FBXW4: variants seen among roughly 807,000 people sequenced by gnomAD.
FBXW4 encodes F-box/WD repeat-containing protein 4.
FBXW4 carries 40 observed loss-of-function variants against 61.8 expected under a neutral mutation model. The ratio of observed to expected loss-of-function variants is 0.65; its 90% CI spans 0.50 to 0.84. The LOEUF (loss-of-function observed/expected upper bound fraction) is 0.84, where lower values mean the gene tolerates loss of function less well. Ranked by LOEUF, FBXW4 falls within the 40% of genes least tolerant of loss-of-function variation. The pLI, the probability that FBXW4 is intolerant of heterozygous loss-of-function variation, is 0.00. For missense variants in FBXW4, 672 were observed against 753.8 expected, an observed-to-expected ratio of 0.89 and a Z score of 1.27; for synonymous variants, 311 against 313.8, an observed-to-expected ratio of 0.99 and a Z score of 0.10.
intron 1 of FBXW4, among the ~76,000 whole-genome samples, chr10:101,688,816 C>T (rs2064559043): frequency 6.6e-6 from 1 of 152,098 alleles, no homozygotes; most frequent in South Asian, 2.1e-4. Context: ...ACTGAAAATT[C>T]AAAACCCAAT....
chr10:101,690,660 C>G (rs1022981387), intron 1 of FBXW4, among the ~76,000 whole-genome samples: 1 of 152,240 alleles, frequency 6.6e-6, no homozygotes, highest in Admixed American at 6.5e-5. Context: ...CAGTTAGGAA[C>G]AGCCAAACTG....
At chr10:101,676,738 G>GAAAAAAAAAAAAAAAAAAAAAAA (rs2064413552) in intron 1 of FBXW4, 1 of 81,120 alleles carries the variant, frequency 1.2e-5, no homozygotes, top group Non-Finnish European at 2.3e-5. Flanking sequence ...AAAAAAAAAT[G>GAAAAAAAAAAAAAAAAAAAAAAA]AAATGAATCC....
chr10:101,653,161 TG>T (rs1192725922), intron 5 of FBXW4, among the ~76,000 whole-genome samples: 2 of 152,200 alleles, frequency 1.3e-5, no homozygotes, highest in Non-Finnish European at 2.9e-5. Context: ...TGTGCAGTCA[TG>T]TCTGACTACT....
Position 101,611,277 on chromosome 10 carries a change from G to T in FBXW4, c.*14C>A. 1 of 1,612,068 alleles carries T rather than the reference G, an allele frequency of 6.2e-7. No individual in the cohort carries two copies. Among genetic ancestry groups the T allele is most frequent in the Non-Finnish European group, 8.5e-7 (1 of 1,179,282 alleles). The stretch of plus-strand genomic sequence containing the variant: ...CTGGTTTCCCTGGCCCAGAGGCAGG[G>T]GTGGCCCTGACGGTCATGGGTTTTG... On this transcript the variant is annotated 3_prime_UTR_variant, in exon 9 of 9. Coordinates refer to ENST00000331272, the MANE Select transcript of FBXW4 (RefSeq NM_022039.4). The surrounding 1 kb of genome is among the most constrained non-coding windows in gnomAD (Gnocchi z 4.9).
rs777631130 is a variant in FBXW4 at position 101,673,573 on chromosome 10, G to A, written c.922C>T (p.Arg308Cys). The change falls in exon 3 of 9, where the codon CGT (arginine) becomes TGT (cysteine). Residue 308 changes from arginine to cysteine, a missense_variant. By Grantham distance (180) the Arg-to-Cys change is radical (BLOSUM62 -3). Transcript: ENST00000331272. Reference sequence around the variant, plus strand: ...CCAGCAAAGACTCCCAGAGGCCGACGATTCAAGCTGGCACCATCTGGACGG... The same window carrying A: ...CCAGCAAAGACTCCCAGAGGCCGACAATTCAAGCTGGCACCATCTGGACGG... ...QFRPDGASLN[R>C]RPLGVFAGHD... The A allele has an allele frequency of 1.5e-5, 25 of 1,613,898 alleles. No homozygotes were observed. The highest frequency in any genetic ancestry group is 1.9e-5 in the Non-Finnish European group (23 of 1,179,904).
chr10:101,673,456 A>G (rs1282240145), intron 3 of FBXW4, 32 bp downstream of exon 3: 1 of 1,611,120 alleles, frequency 6.2e-7, no homozygotes, highest in East Asian at 2.2e-5. Context: ...ATAAGATGGA[A>G]AAGGGTGGAA....
At chr10:101,643,280 T>C (rs531385187) in intron 5 of FBXW4, among the ~76,000 whole-genome samples, 1 of 152,342 alleles carries the variant, frequency 6.6e-6, no homozygotes, top group African/African-American at 2.4e-5. Flanking sequence ...TGCTGGCCAT[T>C]GAGCCTTCAG....
At chr10:101,633,378 A>C (rs1024646121) in intron 5 of FBXW4, among the ~76,000 whole-genome samples, 4 of 152,320 alleles carry the variant, frequency 2.6e-5, no homozygotes, top group African/African-American at 9.6e-5. Flanking sequence ...GCATGTTCTC[A>C]TAACTGGGAG....
chr10:101,618,885 C>T (rs1258211976), intron 6 of FBXW4, among the ~76,000 whole-genome samples: 3 of 147,102 alleles, frequency 2.0e-5, no homozygotes, highest in Non-Finnish European at 4.6e-5. Flanking sequence ...TCAAATGCCC[C>T]TTGGCAGAAA....
chr10:101,617,527 G>A (rs1392321210), intron 6 of FBXW4, among the ~76,000 whole-genome samples: 1 of 152,176 alleles, frequency 6.6e-6, no homozygotes, highest in East Asian at 1.9e-4. Context: ...CCCATCAGGT[G>A]AGAAGGAAGG....
intron 1 of FBXW4, among the ~76,000 whole-genome samples, chr10:101,690,841 C>A (rs541027546): frequency 2.0e-5 from 3 of 152,284 alleles, no homozygotes; most frequent in South Asian, 2.1e-4. Flanking sequence ...CGTGTGTGTG[C>A]GTGTTCTTCC....
intron 5 of FBXW4, chr10:101,627,904 T>C: frequency 1.0e-6 from 1 of 965,328 alleles, no homozygotes; most frequent in Non-Finnish European, 1.2e-6. Flanking sequence ...GGGTGGGATC[T>C]GTGCATCACA....
chr10:101,619,936 C>T (rs1188041647), intron 6 of FBXW4, among the ~76,000 whole-genome samples: 5 of 152,176 alleles, frequency 3.3e-5, no homozygotes, highest in Admixed American at 1.3e-4. Flanking sequence ...CACACATAGA[C>T]GTGGGTGATG....
intron 5 of FBXW4, among the ~76,000 whole-genome samples, chr10:101,665,474 C>T (rs2064289203): frequency 6.6e-6 from 1 of 152,034 alleles, no homozygotes; most frequent in South Asian, 2.1e-4. Flanking sequence ...GACAGGAAGA[C>T]CCTGAAGATG....
At chr10:101,650,582 C>T (rs1320443954) in intron 5 of FBXW4, among the ~76,000 whole-genome samples, 2 of 152,196 alleles carry the variant, frequency 1.3e-5, no homozygotes, top group Admixed American at 6.5e-5. Context: ...GGTGGGGTGC[C>T]AAGCAAGTGT....
chr10:101,675,525 C>A (rs1323759302), intron 2 of FBXW4, among the ~76,000 whole-genome samples: 1 of 152,106 alleles, frequency 6.6e-6, no homozygotes, highest in African/African-American at 2.4e-5. Context: ...CCATCATCAC[C>A]ACCACTACCC....
chr10:101,660,660 G>A (rs199914852), intron 5 of FBXW4, among the ~76,000 whole-genome samples: 12 of 152,320 alleles, frequency 7.9e-5, no homozygotes, highest in Middle Eastern at 3.4e-3. Flanking sequence ...ACACAGGCAC[G>A]TTGCACACAC....
chr10:101,676,669 A>C (rs1205942288), intron 1 of FBXW4: 1 of 184,282 alleles, frequency 5.4e-6, no homozygotes, highest in Non-Finnish European at 1.1e-5. Flanking sequence ...AATCTAATGG[A>C]GAATGCATGA....
intron 5 of FBXW4, chr10:101,628,024 C>T (rs1438536290): frequency 1.0e-6 from 1 of 979,682 alleles, no homozygotes; most frequent in African/African-American, 1.8e-5. Context: ...CAACCAGATT[C>T]TCGTCACATC....
Sources: allele counts gnomAD v4.1 joint callset (sites outside exome capture counted in the v4.1 genomes callset), GRCh38; gene constraint gnomAD v4.1.1; non-coding constraint Gnocchi (gnomAD v3.1); transcripts MANE v1.5; gene names NCBI Gene and HGNC (gene_info 2026-07-23, HGNC 2026-07-21).